The following LSAMP variants were observed in gnomAD, a reference collection of about 807,000 sequenced individuals.
LSAMP encodes limbic system-associated membrane protein.
In LSAMP, 7 loss-of-function variants were observed where a neutral mutation model predicts 38.6. That is an observed-to-expected ratio of 0.18 (90% CI 0.10 to 0.34). The LOEUF is 0.34. LSAMP is among the 10% of genes least tolerant of loss of function. The probability of loss-of-function intolerance (pLI) is 1.00; values close to 1 mark genes in which losing one functional copy is unlikely to be tolerated. For synonymous variants in LSAMP, 154 were observed against 166.8 expected (o/e 0.92, Z 0.59); for missense variants, 313 against 420.0 (o/e 0.75, Z 2.23).
chr3:116,049,000 C>T (rs1576332435), intron 2 of LSAMP, among the ~76,000 whole-genome samples: 1 of 152,164 alleles, frequency 6.6e-6, no homozygotes, highest in African/African-American at 2.4e-5. Flanking sequence ...TTCAATGCTG[C>T]AAATGGGAGC....
At chr3:115,957,202 G>A (rs796779283) in intron 3 of LSAMP, among the ~76,000 whole-genome samples, 5 of 152,302 alleles carry the variant, frequency 3.3e-5, no homozygotes, top group African/African-American at 1.2e-4. Flanking sequence ...AGTACCCATA[G>A]AGGTCAAAAC....
intron 1 of LSAMP, among the ~76,000 whole-genome samples, chr3:116,138,075 AGTAGGTCAGTG>A (rs1709289579): frequency 1.3e-5 from 2 of 152,144 alleles, no homozygotes; most frequent in Non-Finnish European, 2.9e-5. Context: ...ATTCTAGTAT[AGTAGGTCAGTG>A]GTAGGTCTTG....
intron 1 of LSAMP, among the ~76,000 whole-genome samples, chr3:116,122,144 C>A (rs1022989402): frequency 1.3e-5 from 2 of 152,118 alleles, no homozygotes; most frequent in African/African-American, 4.8e-5. Flanking sequence ...AACAAAATAA[C>A]ATTATTTGCA....
At chr3:115,818,296 AC>A (rs1934096506) in intron 6 of LSAMP, among the ~76,000 whole-genome samples, 1 of 152,002 alleles carries the variant, frequency 6.6e-6, no homozygotes, top group Admixed American at 6.6e-5. Flanking sequence ...ATTTTTAAGA[AC>A]CCCTTAAGGC....
chr3:116,090,573 G>C (rs935123322), intron 1 of LSAMP, among the ~76,000 whole-genome samples: 15 of 152,306 alleles, frequency 9.8e-5, no homozygotes, highest in Middle Eastern at 6.8e-3. Context: ...TATACTTAAT[G>C]ATTTTGTTTC....
intron 1 of LSAMP, among the ~76,000 whole-genome samples, chr3:116,377,272 C>A (rs1277712445): frequency 6.6e-6 from 1 of 151,900 alleles, no homozygotes; most frequent in Admixed American, 6.6e-5. Context: ...TTGTTCCCCT[C>A]CCTGTGTCCA....
chr3:116,149,296 G>A (rs1449026852), intron 1 of LSAMP, among the ~76,000 whole-genome samples: 1 of 152,018 alleles, frequency 6.6e-6, no homozygotes, highest in Non-Finnish European at 1.5e-5. Flanking sequence ...CAGAGTAGGA[G>A]TGGAGGGTGT....
chr3:115,809,664 A>G lies in LSAMP; in HGVS notation c.*653T>C, dbSNP rs28636502. On this transcript the variant is annotated 3_prime_UTR_variant, in exon 7 of 7. Transcript: ENST00000490035. ...GACTAGTGCTCTGGGGAGGGGGTGG[A>G]GGTGAGGAGAGGTGAGGGAGGAAAG... 39,849 of 151,312 alleles carry G rather than the reference A, an allele frequency of 0.26. 9,577 individuals are homozygous for G. Among genetic ancestry groups the G allele is most frequent in the African/African-American group, 0.65 (26,724 of 40,958 alleles). The allele number at this position is 151,312 out of a possible 1,614,324, so 9.4% of individuals were successfully genotyped here. A position where few individuals can be genotyped will look rare whatever the true frequency, so the allele number is the denominator to read the frequency against.
intron 3 of LSAMP, among the ~76,000 whole-genome samples, chr3:115,887,570 A>C (rs1326887651): frequency 3.3e-5 from 5 of 151,936 alleles, no homozygotes; most frequent in African/African-American, 9.7e-5. Context: ...TGCATATTTT[A>C]ATTACATTTA....
intron 3 of LSAMP, among the ~76,000 whole-genome samples, chr3:115,994,498 T>C (rs754740012): frequency 2.6e-5 from 4 of 152,122 alleles, no homozygotes; most frequent in Admixed American, 6.6e-5. Flanking sequence ...TGAAGCTTGG[T>C]TTCTCTTAAT....
chr3:116,151,815 A>G (rs545567833), intron 1 of LSAMP, among the ~76,000 whole-genome samples: 8 of 152,044 alleles, frequency 5.3e-5, no homozygotes, highest in Non-Finnish European at 8.8e-5. Context: ...CCACTCCACA[A>G]ACTCTGGTAG....
chr3:115,946,918 G>A (rs1938116798), intron 3 of LSAMP, among the ~76,000 whole-genome samples: 1 of 151,796 alleles, frequency 6.6e-6, no homozygotes, highest in African/African-American at 2.4e-5. Flanking sequence ...TAGATATATA[G>A]GTATGTATAA....
intron 1 of LSAMP, among the ~76,000 whole-genome samples, chr3:116,435,803 C>G (rs1026043211): frequency 1.2e-4 from 18 of 152,146 alleles, no homozygotes; most frequent in African/African-American, 4.3e-4. Flanking sequence ...CAAAGAATAT[C>G]TACATCCATC....
chr3:116,374,302 T>C (rs1650308161), intron 1 of LSAMP, among the ~76,000 whole-genome samples: 1 of 151,956 alleles, frequency 6.6e-6, no homozygotes, highest in Non-Finnish European at 1.5e-5. Context: ...TGTTCTTATA[T>C]TGCATTCAAG....
intron 2 of LSAMP, among the ~76,000 whole-genome samples, chr3:116,065,218 CA>C (rs1199815425): frequency 3.9e-5 from 6 of 152,126 alleles, no homozygotes; most frequent in Admixed American, 6.6e-5. Flanking sequence ...ACTGTATGAG[CA>C]GTATGCTGAA....
At chr3:115,941,450 T>A (rs1937916993) in intron 3 of LSAMP, among the ~76,000 whole-genome samples, 1 of 152,112 alleles carries the variant, frequency 6.6e-6, no homozygotes, top group Non-Finnish European at 1.5e-5. Context: ...ATGAAATTAT[T>A]ACCTTGAAAA....
At chr3:115,824,797 A>G (rs1282097320) in intron 6 of LSAMP, among the ~76,000 whole-genome samples, 2 of 152,006 alleles carry the variant, frequency 1.3e-5, no homozygotes, top group Non-Finnish European at 2.9e-5. Flanking sequence ...AAAATAGATT[A>G]TATATGTCAT....
chr3:116,402,620 A>G (rs2048853385), intron 1 of LSAMP, among the ~76,000 whole-genome samples: 1 of 152,134 alleles, frequency 6.6e-6, no homozygotes, highest in African/African-American at 2.4e-5. Flanking sequence ...GTATGTTTTT[A>G]TACACACATA....
intron 3 of LSAMP, among the ~76,000 whole-genome samples, chr3:115,892,347 C>A (rs2107460841): frequency 6.6e-6 from 1 of 151,982 alleles, no homozygotes. Context: ...TAGAAACCAC[C>A]CAATGTTTAT....
Sources: gnomAD v4.1 joint callset for allele counts (sites outside exome capture counted in the v4.1 genomes callset) on GRCh38, gnomAD v4.1.1 for gene constraint, MANE v1.5 for transcripts, NCBI Gene and HGNC (gene_info 2026-07-23, HGNC 2026-07-21) for gene names.